Variants in LTK observed in about 807,000 individuals in gnomAD.
LTK encodes the protein leukocyte receptor tyrosine kinase.
Under a neutral mutation model 101.5 loss-of-function variants are expected in LTK, and 117 were observed. The ratio of observed to expected loss-of-function variants is 1.15; its 90% CI spans 0.99 to 1.34. The LOEUF (loss-of-function observed/expected upper bound fraction) is 1.34, where lower values mean the gene tolerates loss of function less well. LTK is among the 40% of genes most tolerant of loss of function. The pLI, the probability that LTK is intolerant of heterozygous loss-of-function variation, is 0.00. For synonymous variants in LTK, 563 were observed against 494.2 expected (o/e 1.14, Z -1.85); for missense variants, 1,252 against 1,164.7 (o/e 1.07, Z -1.09).
At position 41,507,637 on chromosome 15, in the gene LTK, G is replaced by T. The variant is rs1026075473; in HGVS notation, c.1270C>A (p.Pro424Thr). The change falls in exon 10 of 20, where the codon CCT becomes ACT. Residue 424 changes from proline to threonine, a missense_variant. Physicochemically the swap from Pro to Thr is conservative, Grantham distance 38 (BLOSUM62 -1). Coordinates refer to ENST00000263800, the MANE Select transcript of LTK (RefSeq NM_002344.6). The part of the protein sequence containing the change: ...TCMDLHKPPG[P>T]LVLMVAVVAT... ...ACCACAGCCACCATCAGAACCAGAGGGCCTGGGGGCTTGTGCAGGTCTAGG... is the reference window on the plus strand; with the variant it reads ...ACCACAGCCACCATCAGAACCAGAGTGCCTGGGGGCTTGTGCAGGTCTAGG... 2.5e-6 allele frequency: 4 copies of T among 1,613,662 alleles called. No homozygotes were observed. Among genetic ancestry groups the T allele is most frequent in the Non-Finnish European group, 3.4e-6 (4 of 1,179,892 alleles).
At position 41,511,123 on chromosome 15, in the gene LTK, C is replaced by T. The variant is rs2051441751; in HGVS notation, c.997+41G>A. On this transcript the variant is annotated intron_variant, in intron 7 of 19. Transcript: ENST00000263800. The surrounding 1 kb of genome is among the most constrained non-coding windows in gnomAD (Gnocchi z 5.9). ...TACTTAGGTTCTAACATCACCTCAC[C>T]CTCGGGCCTGCTCAGCTGCCCTCTC... The T allele has an allele frequency of 1.5e-6, 2 of 1,369,532 alleles. No homozygotes were observed. The highest frequency in any genetic ancestry group is 1.9e-6 in the Non-Finnish European group (2 of 1,066,242). The allele number at this position is 1,369,532 out of a possible 1,614,324, so 84.8% of individuals were successfully genotyped here.
intron 11 of LTK, 94 bp from the exon 12 acceptor site, chr15:41,506,099 T>C (rs2051273028): frequency 2.6e-6 from 2 of 768,374 alleles, no homozygotes; most frequent in East Asian, 2.5e-5. Context: ...GCCCCTGCCA[T>C]ATGCCCAGCT....
chr15:41,503,987 C>T lies in LTK; in HGVS notation c.*9G>A, dbSNP rs1258980987. Reference sequence around the variant, plus strand: ...TGCCTCAGTCCTTACCCTCAGGGCCCCTTGGGGCTCAGGAGCGATAAGTGG... The same window carrying T: ...TGCCTCAGTCCTTACCCTCAGGGCCTCTTGGGGCTCAGGAGCGATAAGTGG... On this transcript the variant is annotated 3_prime_UTR_variant, in exon 20 of 20. Transcript: ENST00000263800. 6.3e-7 allele frequency: 1 copy of T among 1,590,458 alleles called. No homozygotes were observed. The highest frequency in any genetic ancestry group is 1.4e-5 in the African/African-American group (1 of 73,838).
rs2051189048 is a variant in LTK at position 41,504,577 on chromosome 15, G to A, written c.2184C>T (p.Thr728=). The part of the protein sequence containing the change: ...SLGYMPYPGR[T]NQEVLDFVVG... ...CGACGAAGTCCAGCACCTCCTGGTTGGTGCGCCCAGGATAGGGCATGTAGC... is the reference window on the plus strand; with the variant it reads ...CGACGAAGTCCAGCACCTCCTGGTTAGTGCGCCCAGGATAGGGCATGTAGC... The change falls in exon 18 of 20, where the codon ACC becomes ACT. Residue 728 remains threonine, a synonymous_variant. Coordinates refer to ENST00000263800, the MANE Select transcript of LTK (RefSeq NM_002344.6). The A allele has an allele frequency of 6.2e-7, 1 of 1,613,880 alleles. No homozygotes were observed. The highest frequency in any genetic ancestry group is 1.3e-5 in the African/African-American group (1 of 75,056).
At position 41,505,438 on chromosome 15, in the gene LTK, TC is replaced by T. The variant is rs1344305021; in HGVS notation, c.1789del (p.Asp597ThrfsTer2). 1.3e-5 allele frequency: 21 copies of T among 1,613,894 alleles called. No homozygotes were observed. Among genetic ancestry groups the T allele is most frequent in the Middle Eastern group, 1.7e-4 (1 of 6,060 alleles). On this transcript the variant is annotated frameshift_variant, in exon 14 of 20. Transcript: ENST00000263800. LOFTEE classifies it high-confidence loss of function. ...ACTGTGCCTCAGGAAACTCTTCATGTCCCCTCCAGACATCAGTTCCAGCAGA... is the reference window on the plus strand; with the variant it reads ...ACTGTGCCTCAGGAAACTCTTCATGTCCCTCCAGACATCAGTTCCAGCAGA... The part of the protein sequence containing the change: ...LILLELMSGG[D>X]MKSFLRHSRP...
intron 7 of LTK, among the ~76,000 whole-genome samples, chr15:41,509,452 A>G (rs2051385694): frequency 6.6e-6 from 1 of 152,218 alleles, no homozygotes. Flanking sequence ...CATTTACACT[A>G]GTTATTTGAT....
In LTK at chr15:41,507,642, G is replaced by C. The variant is rs1203209550; in HGVS notation, c.1265C>G (p.Pro422Arg). 3.1e-6 allele frequency: 5 copies of C among 1,613,368 alleles called. No homozygotes were observed. Among genetic ancestry groups the C allele is most frequent in the Non-Finnish European group, 4.2e-6 (5 of 1,179,838 alleles). Residue 422 changes from proline (P) to arginine (R), a missense_variant, in exon 10 of 20, where the codon CCA (proline) becomes CGA (arginine). Pro to Arg is a moderately radical substitution (Grantham distance 103, BLOSUM62 -2). Coordinates refer to ENST00000263800, the MANE Select transcript of LTK (RefSeq NM_002344.6). Reference sequence around the variant, plus strand: ...AGCCACCATCAGAACCAGAGGGCCTGGGGGCTTGTGCAGGTCTAGGGAGAA... The same window carrying C: ...AGCCACCATCAGAACCAGAGGGCCTCGGGGCTTGTGCAGGTCTAGGGAGAA... ...NVTCMDLHKP[P>R]GPLVLMVAVV...
At chr15:41,513,644 C>A (rs200188958) in intron 1 of LTK, 23 bp downstream of exon 1, 24 of 1,611,978 alleles carry the variant, frequency 1.5e-5, no homozygotes, top group Non-Finnish European at 2.0e-5. Context: ...TGGACGGTCC[C>A]CTGACCGCCA....
Position 41,505,375 on chromosome 15 carries a change from T to TGG in LTK, c.1827+24_1827+25dup, listed in dbSNP as rs35233496. 470 of 1,612,424 alleles carry TGG rather than the reference T, an allele frequency of 2.9e-4. 5 individuals are homozygous for TGG. The highest frequency in any genetic ancestry group is 2.4e-3 in the South Asian group (220 of 90,940). On this transcript the variant is annotated intron_variant, in intron 14 of 19. Coordinates refer to ENST00000263800, the MANE Select transcript of LTK (RefSeq NM_002344.6). ...CATGGACAGGGTCTTTAGAGGGGCC[T>TGG]GGGGGGGCTAAGACAAGGGTCTCAC...
chr15:41,507,205 G>T lies in LTK; in HGVS notation c.1431C>A (p.Ile477=), dbSNP rs747001951. 6.2e-7 allele frequency: 1 copy of T among 1,613,894 alleles called. No individual in the cohort carries two copies. Among genetic ancestry groups the T allele is most frequent in the East Asian group, 2.2e-5 (1 of 44,874 alleles). The change falls in exon 11 of 20, where the codon ATC becomes ATA. Residue 477 remains isoleucine, a synonymous_variant. Coordinates refer to ENST00000263800, the MANE Select transcript of LTK (RefSeq NM_002344.6). ...AATAATAGGGATTGGGGGCTGTCCT[G>T]ATGGCAGAGGTTCGAAGCTTGCTCA... ...LELSKLRTSA[I]RTAPNPYYCQ...
chr15:41,506,975 C>G, intron 11 of LTK, 120 bp downstream of exon 11: 1 of 903,214 alleles, frequency 1.1e-6, no homozygotes, highest in East Asian at 2.5e-5. Context: ...GCCTCCCTCT[C>G]CCTTACACAA....
rs773039327 is a variant in LTK, at chr15:41,509,140, A to G, written c.998-11T>C. ...CTGAAGCGTCGCCCCCTGGAAGTGG[A>G]GAGTGATGGAGAGTTTGACTACAAA... On this transcript the variant is annotated splice_polypyrimidine_tract_variant and intron_variant, in intron 7 of 19. Transcript: ENST00000263800. The G allele has an allele frequency of 1.1e-5, 17 of 1,525,884 alleles. No homozygotes were observed. Among genetic ancestry groups the G allele is most frequent in the Non-Finnish European group, 1.5e-5 (16 of 1,099,804 alleles). The allele number at this position is 1,525,884 out of a possible 1,614,324, so 94.5% of individuals were successfully genotyped here. A position where few individuals can be genotyped will look rare whatever the true frequency, so the allele number is the denominator to read the frequency against.
In LTK at chr15:41,511,976, G is replaced by C. The variant is rs767413541; in HGVS notation, c.511-13C>G. 5.6e-4 allele frequency: 821 copies of C among 1,466,342 alleles called. 1 individual carries two copies. Among genetic ancestry groups the C allele is most frequent in the Non-Finnish European group, 6.9e-4 (770 of 1,118,734 alleles). The allele number at this position is 1,466,342 out of a possible 1,614,324, so 90.8% of individuals were successfully genotyped here. A position where few individuals can be genotyped will look rare whatever the true frequency, so the allele number is the denominator to read the frequency against. ...TCTCCGGGCTACCCTGCGGGCAGCG[G>C]GGGAGGGAATCGGCGGGGCCCGGGA... On this transcript the variant is annotated splice_polypyrimidine_tract_variant and intron_variant, in intron 4 of 19. Coordinates refer to ENST00000263800, the MANE Select transcript of LTK (RefSeq NM_002344.6). This position sits in a 1 kb window ranked among gnomAD's most constrained non-coding sequence, Gnocchi z 5.9.
Position 41,511,988 on chromosome 15 carries a change from G to A in LTK, c.511-25C>T. Reference sequence around the variant, plus strand: ...CCTGCGGGCAGCGGGGGAGGGAATCGGCGGGGCCCGGGAGCCTCCCCTCGC... The same window carrying A: ...CCTGCGGGCAGCGGGGGAGGGAATCAGCGGGGCCCGGGAGCCTCCCCTCGC... On this transcript the variant is annotated intron_variant, in intron 4 of 19. Transcript: ENST00000263800. This position sits in a 1 kb window ranked among gnomAD's most constrained non-coding sequence, Gnocchi z 5.9. 3 of 1,441,596 alleles carry A rather than the reference G, an allele frequency of 2.1e-6. No homozygotes were observed. Among genetic ancestry groups the A allele is most frequent in the Non-Finnish European group, 2.7e-6 (3 of 1,105,532 alleles). The allele number at this position is 1,441,596 out of a possible 1,614,324, so 89.3% of individuals were successfully genotyped here.
intron 7 of LTK, among the ~76,000 whole-genome samples, chr15:41,510,518 A>T (rs926731327): frequency 8.0e-5 from 12 of 150,322 alleles, no homozygotes; most frequent in Non-Finnish European, 1.6e-4. Context: ...CTGAAGTGCA[A>T]TGGAGTGATC....
intron 7 of LTK, among the ~76,000 whole-genome samples, chr15:41,509,458 T>G (rs1157442375): frequency 6.6e-6 from 1 of 152,226 alleles, no homozygotes; most frequent in African/African-American, 2.4e-5. Flanking sequence ...CACTAGTTAT[T>G]TGATCAAAAC....
At chr15:41,505,129 C>G in intron 15 of LTK, 65 bp from the exon 16 acceptor site, 1 of 1,586,344 alleles carries the variant, frequency 6.3e-7, no homozygotes, top group Non-Finnish European at 8.6e-7. Flanking sequence ...TGATCTATTT[C>G]CTTAAAAGCT....
At chr15:41,508,996 C>A in intron 8 of LTK, 35 bp downstream of exon 8, 1 of 1,481,342 alleles carries the variant, frequency 6.8e-7, no homozygotes, top group Non-Finnish European at 9.3e-7. Context: ...GGAAGAAGTC[C>A]AGGCCAGGCT....
Position 41,505,428 on chromosome 15 carries a change from ACT to A in LTK, c.1798_1799del (p.Ser600PhefsTer146). On this transcript the variant is annotated frameshift_variant, in exon 14 of 20. Transcript: ENST00000263800. LOFTEE classifies it high-confidence loss of function. Reference protein sequence around the residue: ...LELMSGGDMKSFLRHSRPHLG... With the variant: ...LELMSGGDMKXFLRHSRPHLG... ...GGTGTGGCCGACTGTGCCTCAGGAA[ACT>A]CTTCATGTCCCCTCCAGACATCAGT... 2.5e-6 allele frequency: 4 copies of A among 1,613,598 alleles called. No homozygotes were observed. Among genetic ancestry groups the A allele is most frequent in the Non-Finnish European group, 3.4e-6 (4 of 1,179,876 alleles).
Sources: gnomAD v4.1 joint callset for allele counts (sites outside exome capture counted in the v4.1 genomes callset) on GRCh38, gnomAD v4.1.1 for gene constraint, Gnocchi (gnomAD v3.1) non-coding constraint, MANE v1.5 for transcripts, NCBI Gene and HGNC (gene_info 2026-07-23, HGNC 2026-07-21) for gene names.